The following POT1 variants were observed in gnomAD, a reference collection of about 807,000 sequenced individuals.
The protein encoded by POT1 is protection of telomeres protein 1.
Under a neutral mutation model 78.5 loss-of-function variants are expected in POT1, and 47 were observed. The ratio of observed to expected loss-of-function variants is 0.60; its 90% CI spans 0.47 to 0.76. POT1 has a LOEUF of 0.76. POT1 is among the 30% of genes least tolerant of loss of function. The pLI is 0.00. For missense variants in POT1, 646 were observed against 749.9 expected (o/e 0.86, Z 1.62); for synonymous variants, 259 against 260.7 (o/e 0.99, Z 0.06).
At chr7:124,913,616 T>C (rs1230311756) in intron 3 of POT1, among the ~76,000 whole-genome samples, 1 of 152,198 alleles carries the variant, frequency 6.6e-6, no homozygotes, top group African/African-American at 2.4e-5. Flanking sequence ...CTCTTATATA[T>C]AGATGCTTAA....
At chr7:124,895,946 C>A (rs1796481440) in intron 5 of POT1, among the ~76,000 whole-genome samples, 1 of 151,584 alleles carries the variant, frequency 6.6e-6, no homozygotes, top group African/African-American at 2.4e-5. Context: ...GAAGACAATA[C>A]AAGATCAAAT....
intron 2 of POT1, among the ~76,000 whole-genome samples, chr7:124,920,514 TCA>T (rs1797124109): frequency 6.6e-6 from 1 of 152,102 alleles, no homozygotes; most frequent in Admixed American, 6.6e-5. Flanking sequence ...TCGTCAAAAC[TCA>T]CAGAAGTGTA....
chr7:124,846,799 G>A (rs1795178606), intron 12 of POT1, 143 bp downstream of exon 12: 15 of 551,910 alleles, frequency 2.7e-5, no homozygotes, highest in Non-Finnish European at 4.7e-5. Context: ...CACGGTAGAA[G>A]AAGAAAGTTA....
At chr7:124,906,559 A>G (rs924968064) in intron 3 of POT1, among the ~76,000 whole-genome samples, 1 of 152,140 alleles carries the variant, frequency 6.6e-6, no homozygotes, top group African/African-American at 2.4e-5. Flanking sequence ...TAATGGGTGC[A>G]GCACACCAAC....
rs146643991 is a variant in POT1, at chr7:124,835,368, A to G, written c.1416T>C (p.Ser472=). Residue 472 remains serine (S), a synonymous_variant, in exon 15 of 19, where the codon AGT becomes AGC. Transcript: ENST00000357628. ...CGTGGCCAGATCTCACAGGAATTAC[A>G]CTATTAAACTTGTTCGAGAGTTTGC... ...EICKLSNKFN[S]VIPVRSGHED... is the part of the protein sequence containing the mutation. 3.1e-6 allele frequency: 5 copies of G among 1,613,918 alleles called. No homozygotes were observed. Among genetic ancestry groups the G allele is most frequent in the Non-Finnish European group, 3.4e-6 (4 of 1,179,892 alleles).
At chr7:124,846,682 T>C (rs1232258602) in intron 12 of POT1, among the ~76,000 whole-genome samples, 1 of 151,474 alleles carries the variant, frequency 6.6e-6, no homozygotes, top group African/African-American at 2.4e-5. Flanking sequence ...GTATTTAATG[T>C]TTAAAACATA....
chr7:124,866,394 C>T (rs1248584996), intron 7 of POT1, among the ~76,000 whole-genome samples: 1 of 152,134 alleles, frequency 6.6e-6, no homozygotes, highest in African/African-American at 2.4e-5. Context: ...CTATCTTGGA[C>T]TTCCAGCACC....
chr7:124,889,196 G>T (rs947799215), intron 6 of POT1, among the ~76,000 whole-genome samples: 2 of 152,008 alleles, frequency 1.3e-5, no homozygotes, highest in African/African-American at 4.8e-5. Flanking sequence ...GAGCCTTATG[G>T]CTGATACACA....
At chr7:124,862,138 G>A (rs1328051564) in intron 8 of POT1, among the ~76,000 whole-genome samples, 3 of 152,112 alleles carry the variant, frequency 2.0e-5, no homozygotes, top group African/African-American at 7.2e-5. Context: ...TTACGTGACA[G>A]TGGTTTTCAC....
chr7:124,898,392 AG>A lies in POT1; in HGVS notation c.-153-19del, dbSNP rs1170109148. On this transcript the variant is annotated intron_variant, in intron 3 of 18. Transcript: ENST00000357628. ...ATGGTGTCCTACATAGAAAAAAAAA[AG>A]TTTTTGAATCAATCACCAAAATACG... The A allele has an allele frequency of 6.6e-6, 1 of 151,818 alleles. No homozygotes were observed. The highest frequency in any genetic ancestry group is 1.5e-5 in the Non-Finnish European group (1 of 67,920). 9.4% of individuals were successfully genotyped at this position (151,818 alleles called of 1,614,324 possible).
intron 17 of POT1, among the ~76,000 whole-genome samples, chr7:124,825,651 GA>G (rs901942157): frequency 6.6e-6 from 1 of 151,010 alleles, no homozygotes; most frequent in East Asian, 1.9e-4. Context: ...TTTGTGCATA[GA>G]AAAAAAAATC....
intron 3 of POT1, among the ~76,000 whole-genome samples, chr7:124,903,163 C>T (rs1477079851): frequency 1.3e-5 from 2 of 152,164 alleles, no homozygotes; most frequent in Admixed American, 6.5e-5. Flanking sequence ...CTCGGCTCTG[C>T]ACCAAGCGGA....
intron 14 of POT1, among the ~76,000 whole-genome samples, chr7:124,835,857 A>G (rs80224119): frequency 0.02 from 3,103 of 152,300 alleles, 97 homozygotes; most frequent in African/African-American, 0.069. Context: ...AGTTCATGTA[A>G]TATGAATTCA....
intron 5 of POT1, among the ~76,000 whole-genome samples, chr7:124,894,666 T>C (rs1197153280): frequency 2.6e-5 from 4 of 151,608 alleles, no homozygotes; most frequent in African/African-American, 9.7e-5. Context: ...ACAAGGTAAT[T>C]AAATTTACAT....
chr7:124,890,173 T>C (rs1364357044), intron 6 of POT1, among the ~76,000 whole-genome samples: 2 of 151,868 alleles, frequency 1.3e-5, no homozygotes, highest in East Asian at 1.9e-4. Flanking sequence ...ACAGATGACT[T>C]TGAGGGGTTC....
At chr7:124,864,492 T>C (rs1795674052) in intron 7 of POT1, among the ~76,000 whole-genome samples, 1 of 152,150 alleles carries the variant, frequency 6.6e-6, no homozygotes, top group Admixed American at 6.6e-5. Flanking sequence ...CTTGCTTTTT[T>C]GCTTCTTTGC....
chr7:124,905,476 T>C (rs772007675), intron 3 of POT1, among the ~76,000 whole-genome samples: 24 of 151,434 alleles, frequency 1.6e-4, no homozygotes, highest in Non-Finnish European at 2.5e-4. Context: ...ATACAAAAAT[T>C]AATTAAAGAT....
intron 14 of POT1, among the ~76,000 whole-genome samples, chr7:124,836,891 C>T (rs1400973105): frequency 6.6e-6 from 1 of 152,142 alleles, no homozygotes; most frequent in Admixed American, 6.5e-5. Context: ...TGCTACATTG[C>T]CACTAATGCC....
At chr7:124,923,231 T>C in intron 2 of POT1, among the ~76,000 whole-genome samples, 1 of 151,846 alleles carries the variant, frequency 6.6e-6, no homozygotes, top group East Asian at 1.9e-4. Context: ...AGAAGTTTAA[T>C]GAGATTCAAG....
Sources: allele counts gnomAD v4.1 joint callset (sites outside exome capture counted in the v4.1 genomes callset), GRCh38; gene constraint gnomAD v4.1.1; transcripts MANE v1.5; gene names NCBI Gene and HGNC (gene_info 2026-07-23, HGNC 2026-07-21).